Variants in MAMDC2 observed in about 807,000 individuals in gnomAD.
The protein encoded by MAMDC2 is MAM domain-containing protein 2.
MAMDC2 carries 57 observed loss-of-function variants against 89.8 expected under a neutral mutation model. The ratio of observed to expected loss-of-function variants is 0.63; its 90% CI spans 0.51 to 0.79. MAMDC2 has a LOEUF of 0.79. Among genes scored for constraint, MAMDC2 ranks in the 30% least tolerant of loss-of-function variants. The pLI, the probability that MAMDC2 is intolerant of heterozygous loss-of-function variation, is 0.00. For synonymous variants in MAMDC2, 313 were observed against 293.4 expected, an observed-to-expected ratio of 1.07 and a Z score of -0.68; for missense variants, 800 against 820.6, an observed-to-expected ratio of 0.97 and a Z score of 0.31.
intron 12 of MAMDC2, 88 bp downstream of exon 12, chr9:70,218,684 T>C: frequency 6.9e-7 from 1 of 1,443,110 alleles, no homozygotes; most frequent in Non-Finnish European, 9.2e-7. Context: ...AAGAGAATAT[T>C]TTGTTCTTTT....
intron 2 of MAMDC2, among the ~76,000 whole-genome samples, chr9:70,089,478 G>A (rs905528842): frequency 1.3e-5 from 2 of 152,158 alleles, no homozygotes; most frequent in Non-Finnish European, 2.9e-5. Context: ...GAGCTGTTCA[G>A]TGTGCACTCT....
chr9:70,190,876 T>C (rs939598248), intron 11 of MAMDC2, among the ~76,000 whole-genome samples: 4 of 152,180 alleles, frequency 2.6e-5, no homozygotes, highest in Admixed American at 2.6e-4. Context: ...CAGAAGCTGC[T>C]AAACAGGTTA....
At chr9:70,100,052 C>A (rs1213691261) in intron 2 of MAMDC2, among the ~76,000 whole-genome samples, 1 of 145,174 alleles carries the variant, frequency 6.9e-6, no homozygotes, top group East Asian at 2.1e-4. Flanking sequence ...GCAGGTAGAA[C>A]AATAGCAACT....
chr9:70,047,064 G>C (rs549940754), intron 2 of MAMDC2, among the ~76,000 whole-genome samples: 15 of 152,260 alleles, frequency 9.9e-5, no homozygotes, highest in Admixed American at 2.6e-4. Context: ...CTGTTCACAA[G>C]CTTCTCTGCA....
Position 70,131,565 on chromosome 9 carries a change from C to A in MAMDC2, c.947C>A (p.Ala316Asp). Residue 316 changes from alanine (A) to aspartate (D), a missense_variant, in exon 7 of 14, where the codon GCC (alanine) becomes GAC (aspartate). Ala to Asp is a moderately radical substitution (Grantham distance 126). Transcript: ENST00000377182. ...AATGGTCCCAAGGGAGGTTATGTTG[C>A]CCTGGATGATATTTCATTCTCTCCT... Reference protein sequence around the residue: ...AFNGPKGGYVALDDISFSPVH... With the variant: ...AFNGPKGGYVDLDDISFSPVH... 1 of 1,609,428 alleles carries A rather than the reference C, an allele frequency of 6.2e-7. No homozygotes were observed. The highest frequency in any genetic ancestry group is 8.5e-7 in the Non-Finnish European group (1 of 1,178,932).
At chr9:70,149,954 C>CA (rs2031532500) in intron 9 of MAMDC2, among the ~76,000 whole-genome samples, 1 of 152,200 alleles carries the variant, frequency 6.6e-6, no homozygotes, top group Non-Finnish European at 1.5e-5. Context: ...CCAGGTCCCC[C>CA]ACCCTGAAGT....
intron 2 of MAMDC2, among the ~76,000 whole-genome samples, chr9:70,105,252 C>T (rs572258702): frequency 5.9e-5 from 9 of 152,206 alleles, no homozygotes; most frequent in African/African-American, 2.2e-4. Context: ...AAGCCACAAG[C>T]AGAGATAACA....
intron 7 of MAMDC2, among the ~76,000 whole-genome samples, chr9:70,137,573 G>A (rs2031054699): frequency 6.6e-6 from 1 of 152,014 alleles, no homozygotes; most frequent in African/African-American, 2.4e-5. Flanking sequence ...ACTTTAATCT[G>A]GGTCAGTTCC....
At chr9:70,168,861 G>C in intron 10 of MAMDC2, 66 bp downstream of exon 10, 1 of 1,294,476 alleles carries the variant, frequency 7.7e-7, no homozygotes, top group Non-Finnish European at 1.1e-6. Context: ...GTATCGCTGA[G>C]AATCACATAC....
intron 5 of MAMDC2, among the ~76,000 whole-genome samples, chr9:70,124,084 G>T (rs2030414311): frequency 6.6e-6 from 1 of 152,180 alleles, no homozygotes; most frequent in Non-Finnish European, 1.5e-5. Context: ...CTGCAGCATG[G>T]GGCTGGGTGC....
intron 11 of MAMDC2, among the ~76,000 whole-genome samples, chr9:70,195,226 A>G (rs2032954784): frequency 6.6e-6 from 1 of 152,116 alleles, no homozygotes. Context: ...TAGTAGAACA[A>G]CAATAAAGAC....
At chr9:70,138,445 A>G (rs968790769) in intron 7 of MAMDC2, among the ~76,000 whole-genome samples, 8 of 152,206 alleles carry the variant, frequency 5.3e-5, no homozygotes, top group Non-Finnish European at 8.8e-5. Context: ...GCTGGATCAA[A>G]TGGCAGTTCT....
At chr9:70,136,533 T>C (rs967839530) in intron 7 of MAMDC2, among the ~76,000 whole-genome samples, 7 of 152,066 alleles carry the variant, frequency 4.6e-5, no homozygotes, top group African/African-American at 1.4e-4. Flanking sequence ...TTCCACCCCC[T>C]CCCACACATC....
At chr9:70,148,173 G>A (rs1461032619) in intron 9 of MAMDC2, 2 of 150,166 alleles carry the variant, frequency 1.3e-5, no homozygotes, top group Non-Finnish European at 3.0e-5. Context: ...CAGTTCCTGG[G>A]ACACACTCTG....
intron 11 of MAMDC2, among the ~76,000 whole-genome samples, chr9:70,177,661 G>A (rs2032539525): frequency 6.6e-6 from 1 of 152,170 alleles, no homozygotes; most frequent in African/African-American, 2.4e-5. Flanking sequence ...GGGAAGTTAA[G>A]TGCCTTTCCA....
intron 11 of MAMDC2, among the ~76,000 whole-genome samples, chr9:70,197,133 G>A (rs1372093900): frequency 6.6e-6 from 1 of 152,082 alleles, no homozygotes; most frequent in African/African-American, 2.4e-5. Context: ...ATTTGTCACT[G>A]CCTTGTATTT....
intron 11 of MAMDC2, among the ~76,000 whole-genome samples, chr9:70,175,568 G>A (rs2032473526): frequency 6.6e-6 from 1 of 152,076 alleles, no homozygotes; most frequent in Non-Finnish European, 1.5e-5. Context: ...TTCATCATAA[G>A]TATGTATGTA....
intron 9 of MAMDC2, among the ~76,000 whole-genome samples, chr9:70,160,228 C>CA (rs943349074): frequency 1.3e-5 from 2 of 151,606 alleles, no homozygotes; most frequent in African/African-American, 2.4e-5. Context: ...AAAAAAAGAA[C>CA]AAAAAACAGA....
rs1826671367 is a variant in MAMDC2 at position 70,044,095 on chromosome 9, C to T, written c.-103C>T. The T allele has an allele frequency of 2.9e-6, 4 of 1,394,680 alleles. No homozygotes were observed. Among genetic ancestry groups the T allele is most frequent in the Admixed American group, 1.7e-5 (1 of 57,518 alleles). 86.4% of individuals were successfully genotyped at this position (1,394,680 alleles called of 1,614,324 possible). A position where few individuals can be genotyped will look rare whatever the true frequency, so the allele number is the denominator to read the frequency against. ...CCTCTCGACTTCTCCCTCCTTGGGT[C>T]CCCGGCGCCCCCGCCTCCCACGATC... On this transcript the variant is annotated 5_prime_UTR_variant, in exon 1 of 14. Transcript: ENST00000377182.
Sources: gnomAD v4.1 joint callset for allele counts (sites outside exome capture counted in the v4.1 genomes callset) on GRCh38, gnomAD v4.1.1 for gene constraint, MANE v1.5 for transcripts, NCBI Gene and HGNC (gene_info 2026-07-23, HGNC 2026-07-21) for gene names.